The following LRMDA variants were observed in gnomAD, a reference collection of about 807,000 sequenced individuals.
LRMDA encodes the protein leucine-rich melanocyte differentiation-associated protein.
Under a neutral mutation model 29.8 loss-of-function variants are expected in LRMDA, and 18 were observed. The ratio of observed to expected loss-of-function variants is 0.60; its 90% CI spans 0.42 to 0.90. LRMDA has a LOEUF of 0.90. LRMDA is among the 40% of genes least tolerant of loss of function. The pLI is 0.00. For missense variants in LRMDA, 273 were observed against 273.9 expected, an observed-to-expected ratio of 1.00 and a Z score of 0.02; for synonymous variants, 125 against 109.4, an observed-to-expected ratio of 1.14 and a Z score of -0.89.
chr10:76,001,219 G>A (rs1489124887), intron 2 of LRMDA, among the ~76,000 whole-genome samples: 1 of 152,148 alleles, frequency 6.6e-6, no homozygotes, highest in African/African-American at 2.4e-5. Context: ...GTCATTTCAT[G>A]CTGGGTTACC....
At chr10:76,401,829 T>C (rs909623709) in intron 6 of LRMDA, among the ~76,000 whole-genome samples, 1 of 152,168 alleles carries the variant, frequency 6.6e-6, no homozygotes, top group Admixed American at 6.5e-5. Flanking sequence ...AGCTTTTCTC[T>C]TGCCTTTTGA....
intron 4 of LRMDA, among the ~76,000 whole-genome samples, chr10:76,057,899 C>A (rs1034993740): frequency 6.6e-6 from 1 of 152,218 alleles, no homozygotes; most frequent in Admixed American, 6.5e-5. Flanking sequence ...TAACTATACC[C>A]TGGCCAAGTG....
intron 2 of LRMDA, among the ~76,000 whole-genome samples, chr10:75,924,260 CACA>C (rs1846079668): frequency 1.3e-5 from 2 of 152,140 alleles, no homozygotes; most frequent in Admixed American, 6.5e-5. Context: ...TCATATTAAG[CACA>C]ACAACTACGC....
intron 5 of LRMDA, among the ~76,000 whole-genome samples, chr10:76,135,118 T>C (rs576092552): frequency 6.6e-6 from 1 of 152,340 alleles, no homozygotes; most frequent in South Asian, 2.1e-4. Flanking sequence ...TATCAAATGT[T>C]TTTATAAAAA....
At chr10:75,723,545 T>C (rs1248481086) in intron 2 of LRMDA, among the ~76,000 whole-genome samples, 1 of 152,234 alleles carries the variant, frequency 6.6e-6, no homozygotes, top group Non-Finnish European at 1.5e-5. Flanking sequence ...CACCACTGTC[T>C]TGCAGTTGTG....
chr10:76,381,102 T>C (rs2132471389), intron 6 of LRMDA, among the ~76,000 whole-genome samples: 1 of 148,034 alleles, frequency 6.8e-6, no homozygotes, highest in African/African-American at 2.5e-5. Flanking sequence ...CCCAAGCCCG[T>C]AATGTTTTAA....
chr10:75,504,407 G>T (rs566127118), intron 2 of LRMDA, among the ~76,000 whole-genome samples: 1 of 152,268 alleles, frequency 6.6e-6, no homozygotes, highest in African/African-American at 2.4e-5. Flanking sequence ...AGTGGGGTTT[G>T]GGGGGATGGG....
intron 2 of LRMDA, among the ~76,000 whole-genome samples, chr10:75,850,018 G>A (rs188466608): frequency 3.9e-5 from 6 of 152,234 alleles, no homozygotes; most frequent in Admixed American, 3.9e-4. Context: ...ATAAATGCTG[G>A]TATCTTAGAC....
At chr10:75,446,142 G>T (rs1844392659) in intron 2 of LRMDA, among the ~76,000 whole-genome samples, 1 of 152,262 alleles carries the variant, frequency 6.6e-6, no homozygotes, top group African/African-American at 2.4e-5. Context: ...CTGCTAGACA[G>T]AGCTGGGCTG....
At chr10:76,294,520 T>C (rs533782213) in intron 5 of LRMDA, among the ~76,000 whole-genome samples, 1 of 152,330 alleles carries the variant, frequency 6.6e-6, no homozygotes, top group South Asian at 2.1e-4. Flanking sequence ...TCCTTGTCCC[T>C]GACCTAGTAA....
At chr10:75,831,923 G>A (rs182539943) in intron 2 of LRMDA, among the ~76,000 whole-genome samples, 1 of 152,176 alleles carries the variant, frequency 6.6e-6, no homozygotes, top group Admixed American at 6.5e-5. Flanking sequence ...AGGGCACCAA[G>A]TCCCTAGACT....
chr10:76,046,299 C>A (rs1162848819), intron 3 of LRMDA, among the ~76,000 whole-genome samples: 1 of 152,156 alleles, frequency 6.6e-6, no homozygotes, highest in African/African-American at 2.4e-5. Context: ...TTCTGTGAAT[C>A]TATGGCTCTT....
At chr10:76,378,975 G>A (rs1425848635) in intron 6 of LRMDA, among the ~76,000 whole-genome samples, 1 of 149,010 alleles carries the variant, frequency 6.7e-6, no homozygotes, top group East Asian at 2.0e-4. Context: ...TTCTGCCTCA[G>A]TCTCCCGGGT....
chr10:76,386,885 G>A (rs1276663878), intron 6 of LRMDA, among the ~76,000 whole-genome samples: 1 of 151,946 alleles, frequency 6.6e-6, no homozygotes, highest in East Asian at 1.9e-4. Context: ...AAATCCAGTA[G>A]AAATGTTGGA....
At chr10:76,373,502 T>G (rs1841479765) in intron 6 of LRMDA, among the ~76,000 whole-genome samples, 1 of 152,170 alleles carries the variant, frequency 6.6e-6, no homozygotes, top group African/African-American at 2.4e-5. Flanking sequence ...GAGCTTAGCT[T>G]CAATGAACTA....
At chr10:76,215,699 T>C (rs888949201) in intron 5 of LRMDA, among the ~76,000 whole-genome samples, 1 of 152,194 alleles carries the variant, frequency 6.6e-6, no homozygotes, top group Non-Finnish European at 1.5e-5. Context: ...AACCACGTTG[T>C]TCTTGAAAAA....
chr10:75,675,214 T>C (rs193059111), intron 2 of LRMDA, among the ~76,000 whole-genome samples: 1 of 152,322 alleles, frequency 6.6e-6, no homozygotes, highest in Admixed American at 6.5e-5. Context: ...TTACAGCAAA[T>C]ACATACTCAA....
At chr10:75,702,020 C>T (rs1280743984) in intron 2 of LRMDA, among the ~76,000 whole-genome samples, 1 of 152,184 alleles carries the variant, frequency 6.6e-6, no homozygotes. Context: ...TGGGCCCTTG[C>T]ACATGCCATT....
rs548865836 is a variant in LRMDA at position 76,299,668 on chromosome 10, C to T, written c.517-24733C>T. Among the ~76,000 whole-genome samples the T allele has an allele frequency of 2.7e-5, 4 of 149,634 alleles. No individual in the cohort carries two copies. The South Asian group carries it at 8.6e-4, about 32-fold the overall frequency. Reference sequence around the variant, plus strand: ...GTTGTTTCCTGCAGAATAACTTTCTCATTCCTCTCAGGACTACTGCCTGGG... The same window carrying T: ...GTTGTTTCCTGCAGAATAACTTTCTTATTCCTCTCAGGACTACTGCCTGGG... On this transcript the variant is annotated intron_variant, in intron 5 of 6. Transcript: ENST00000611255.
Sources: allele counts gnomAD v4.1 joint callset (sites outside exome capture counted in the v4.1 genomes callset), GRCh38; gene constraint gnomAD v4.1.1; transcripts MANE v1.5; gene names NCBI Gene and HGNC (gene_info 2026-07-23, HGNC 2026-07-21).